ZFR: variants seen among roughly 807,000 people sequenced by gnomAD.
The protein encoded by ZFR is zinc finger RNA binding protein, also known as zinc finger RNA-binding protein.
Under a neutral mutation model 130.7 loss-of-function variants are expected in ZFR, and 19 were observed. The ratio of observed to expected loss-of-function variants is 0.15; its 90% CI spans 0.10 to 0.21. ZFR has a LOEUF of 0.21. ZFR is among the 10% of genes least tolerant of loss of function. The pLI is 1.00. For synonymous variants in ZFR, 466 were observed against 456.9 expected (o/e 1.02, Z -0.25); for missense variants, 872 against 1,321.5 (o/e 0.66, Z 5.27).
chr5:32,394,177 A>G (rs1198786228), intron 11 of ZFR, among the ~76,000 whole-genome samples: 1 of 152,260 alleles, frequency 6.6e-6, no homozygotes, highest in East Asian at 1.9e-4. Flanking sequence ...AGCAATACTC[A>G]TAATAGTCAA....
chr5:32,380,772 C>T lies in ZFR; in HGVS notation c.2642-600G>A, dbSNP rs867125912. ...CAAGCGATTCTCCTGTCTCAGCCTC[C>T]CAAGTAGCTGGGATTACAGGTGTGC... On this transcript the variant is annotated intron_variant, in intron 15 of 19. Transcript: ENST00000265069. 2.6e-5 allele frequency among the ~76,000 whole-genome samples: 4 copies of T among 151,372 alleles called. No individual in the cohort carries two copies. The South Asian group carries it at 8.4e-4, about 32-fold the overall frequency.
intron 11 of ZFR, among the ~76,000 whole-genome samples, chr5:32,391,224 T>C (rs1480535434): frequency 1.3e-5 from 2 of 152,222 alleles, no homozygotes; most frequent in South Asian, 2.1e-4. Flanking sequence ...TACTAGCCTA[T>C]TAGTTGCTTA....
chr5:32,431,629 C>T (rs1754218174), intron 2 of ZFR, among the ~76,000 whole-genome samples: 1 of 152,104 alleles, frequency 6.6e-6, no homozygotes. Context: ...TCTTTCATGG[C>T]ACATGAAACA....
chr5:32,443,696 G>A lies in ZFR; in HGVS notation c.137+533C>T, dbSNP rs1581723306. 5.3e-5 allele frequency among the ~76,000 whole-genome samples: 8 copies of A among 152,374 alleles called. No homozygotes were observed. In the South Asian group the frequency reaches 1.7e-3, roughly 32 times the overall value. ...AAGAAGCCCCACGGCGGAGGAAAAG[G>A]TACCCGAGACAACGACACGTTATCT... On this transcript the variant is annotated intron_variant, in intron 2 of 19. Transcript: ENST00000265069.
chr5:32,403,835 C>CCTAAT lies in ZFR; in HGVS notation c.1224+70_1224+71insATTAG, dbSNP rs1261615718. 16 of 1,439,960 alleles carry CCTAAT rather than the reference C, an allele frequency of 1.1e-5. No homozygotes were observed. In the African/African-American group the frequency reaches 2.3e-4, roughly 20 times the overall value. The allele number at this position is 1,439,960 out of a possible 1,614,324, so 89.2% of individuals were successfully genotyped here. The stretch of plus-strand genomic sequence containing the variant: ...TTTTCGAACTTTGAAGTTACCTTTA[C>CCTAAT]CTAACCCCCTTTGAAAAAGTAAAAG... On this transcript the variant is annotated intron_variant, in intron 7 of 19. Coordinates refer to ENST00000265069, the MANE Select transcript of ZFR (RefSeq NM_016107.5).
intron 2 of ZFR, among the ~76,000 whole-genome samples, chr5:32,421,719 AAAC>A (rs1753962566): frequency 6.6e-6 from 1 of 152,174 alleles, no homozygotes. Flanking sequence ...AGAAAACAAA[AAAC>A]AAAAAACAAA....
chr5:32,417,310 G>A (rs1753849912), intron 4 of ZFR, among the ~76,000 whole-genome samples: 1 of 152,122 alleles, frequency 6.6e-6, no homozygotes, highest in African/African-American at 2.4e-5. Flanking sequence ...GGTCTCCACT[G>A]GTTACAAAGG....
chr5:32,425,052 A>C (rs1754043689), intron 2 of ZFR, among the ~76,000 whole-genome samples: 1 of 152,198 alleles, frequency 6.6e-6, no homozygotes, highest in Non-Finnish European at 1.5e-5. Context: ...GGAAGAGGAG[A>C]AATGAGAAGA....
At chr5:32,434,233 T>C (rs973518164) in intron 2 of ZFR, among the ~76,000 whole-genome samples, 1 of 152,236 alleles carries the variant, frequency 6.6e-6, no homozygotes, top group Non-Finnish European at 1.5e-5. Flanking sequence ...AAATGTATTA[T>C]GTATTGATTC....
At chr5:32,417,900 T>G (rs1213719192) in intron 3 of ZFR, 108 bp from the exon 4 acceptor site, 3 of 978,778 alleles carry the variant, frequency 3.1e-6, no homozygotes, top group African/African-American at 3.3e-5. Context: ...AATACGTAGT[T>G]TCATGACAGA....
intron 2 of ZFR, among the ~76,000 whole-genome samples, chr5:32,434,587 AG>A (rs796402622): frequency 9.2e-5 from 14 of 152,348 alleles, no homozygotes; most frequent in African/African-American, 3.4e-4. Context: ...CCACCCTTGT[AG>A]GTGATTCCAA....
intron 2 of ZFR, among the ~76,000 whole-genome samples, chr5:32,435,207 G>A (rs908366206): frequency 2.0e-5 from 3 of 152,068 alleles, no homozygotes; most frequent in African/African-American, 7.2e-5. Flanking sequence ...CACAACACCC[G>A]ACCTCTGTAA....
At chr5:32,431,039 C>T (rs1359575523) in intron 2 of ZFR, among the ~76,000 whole-genome samples, 3 of 152,120 alleles carry the variant, frequency 2.0e-5, no homozygotes, top group African/African-American at 4.8e-5. Flanking sequence ...TGCACCACTG[C>T]ACTCCAGCCT....
At chr5:32,442,335 C>T (rs1346393595) in intron 2 of ZFR, among the ~76,000 whole-genome samples, 1 of 152,072 alleles carries the variant, frequency 6.6e-6, no homozygotes, top group Non-Finnish European at 1.5e-5. Context: ...TGGTTTTTTC[C>T]TCTCCTTGAA....
At chr5:32,422,613 G>A (rs115212193) in intron 2 of ZFR, among the ~76,000 whole-genome samples, 2,565 of 151,556 alleles carry the variant, frequency 0.017, 37 homozygotes, top group Non-Finnish European at 0.026. Context: ...CCTGGGCAAC[G>A]TAGAAAGACC....
At chr5:32,374,515 TTAAA>T (rs917409695) in intron 17 of ZFR, among the ~76,000 whole-genome samples, 20 of 151,680 alleles carry the variant, frequency 1.3e-4, no homozygotes, top group South Asian at 8.3e-4. Flanking sequence ...AAATAAATAA[TTAAA>T]TAAATAAATA....
At position 32,364,365 on chromosome 5, in the gene ZFR, A is replaced by T; in HGVS notation, c.2836-90T>A. The T allele has an allele frequency of 3.3e-6, 3 of 903,832 alleles. No homozygotes were observed. In the East Asian group the frequency reaches 7.9e-5, roughly 24 times the overall value. 56.0% of individuals were successfully genotyped at this position (903,832 alleles called of 1,614,324 possible). A position where few individuals can be genotyped will look rare whatever the true frequency, so the allele number is the denominator to read the frequency against. On this transcript the variant is annotated intron_variant, in intron 17 of 19. Transcript: ENST00000265069. ...AATTTTAAAGACTGAAAAAATTTTAAAGACTGAAAAAGCTACATAGAACAA... is the reference window on the plus strand; with the variant it reads ...AATTTTAAAGACTGAAAAAATTTTATAGACTGAAAAAGCTACATAGAACAA...
intron 7 of ZFR, 103 bp from the exon 8 acceptor site, chr5:32,403,500 T>C (rs1753514053): frequency 1.4e-6 from 2 of 1,415,884 alleles, no homozygotes; most frequent in African/African-American, 1.4e-5. Context: ...CTTTTCTTTG[T>C]TGTATTTTTT....
intron 2 of ZFR, among the ~76,000 whole-genome samples, chr5:32,425,991 C>T (rs929829): frequency 0.95 from 145,211 of 152,336 alleles, 69,269 homozygotes; most frequent in African/African-American, 0.98. Context: ...CCATTTATTT[C>T]CTTGGTCTCT....
Sources: gnomAD v4.1 joint callset for allele counts (sites outside exome capture counted in the v4.1 genomes callset) on GRCh38, gnomAD v4.1.1 for gene constraint, MANE v1.5 for transcripts, NCBI Gene and HGNC (gene_info 2026-07-23, HGNC 2026-07-21) for gene names.